CFAP74: variants seen among roughly 807,000 people sequenced by gnomAD.
CFAP74 encodes cilia and flagella associated protein 74.
A neutral mutation model predicts 188.9 loss-of-function variants in CFAP74; 124 were observed. That is an observed-to-expected ratio of 0.66 (90% CI 0.57 to 0.76). CFAP74 has a LOEUF of 0.76. Among genes scored for constraint, CFAP74 ranks in the 30% least tolerant of loss-of-function variants. CFAP74 has a pLI of 0.00. For missense variants in CFAP74, 2,198 were observed against 2,165.2 expected (o/e 1.02, Z -0.30); for synonymous variants, 956 against 916.7 (o/e 1.04, Z -0.77).
At chr1:1,950,631 C>T (rs546989839) in intron 18 of CFAP74, among the ~76,000 whole-genome samples, 16 of 152,154 alleles carry the variant, frequency 1.1e-4, no homozygotes, top group African/African-American at 2.9e-4. Context: ...TGAGCCACCG[C>T]GCCTAGGCTT....
At chr1:1,933,641 G>A (rs1652593945) in intron 25 of CFAP74, among the ~76,000 whole-genome samples, 1 of 152,074 alleles carries the variant, frequency 6.6e-6, no homozygotes, top group Non-Finnish European at 1.5e-5. Context: ...GTTCCCTTTC[G>A]CTCCTGATAT....
At chr1:1,946,501 A>G (rs898385331) in intron 19 of CFAP74, 62 bp from the exon 20 acceptor site, 2 of 1,469,206 alleles carry the variant, frequency 1.4e-6, no homozygotes, top group African/African-American at 1.4e-5. Flanking sequence ...TCCCTTCCCA[A>G]CCCTCACAAT....
At chr1:1,971,211 GCA>G (rs1570946396) in intron 9 of CFAP74, among the ~76,000 whole-genome samples, 2 of 141,382 alleles carry the variant, frequency 1.4e-5, no homozygotes, top group East Asian at 2.2e-4. Flanking sequence ...ATGCACACCT[GCA>G]CACATACGCG....
At chr1:1,994,527 T>C (rs921900610) in intron 1 of CFAP74, among the ~76,000 whole-genome samples, 4 of 152,188 alleles carry the variant, frequency 2.6e-5, no homozygotes, top group African/African-American at 9.7e-5. Context: ...TCTTGTAAAA[T>C]TCCAACAATA....
At position 1,926,635 on chromosome 1, in the gene CFAP74, G is replaced by A. The variant is rs777864654; in HGVS notation, c.3772+17C>T. On this transcript the variant is annotated intron_variant, in intron 30 of 38. Coordinates refer to ENST00000682832, the MANE Select transcript of CFAP74 (RefSeq NM_001304360.2). Reference sequence around the variant, plus strand: ...TGGGCACCGGGGTGGAGGTGTGGGCGGGGCTTAGCGTCTCACCCACAGCGA... The same window carrying A: ...TGGGCACCGGGGTGGAGGTGTGGGCAGGGCTTAGCGTCTCACCCACAGCGA... The A allele has an allele frequency of 1.3e-4, 205 of 1,548,070 alleles. No homozygotes were observed. The highest frequency in any genetic ancestry group is 1.6e-4 in the African/African-American group (12 of 73,088).
At chr1:1,950,632 G>A (rs1034001814) in intron 18 of CFAP74, among the ~76,000 whole-genome samples, 2 of 152,160 alleles carry the variant, frequency 1.3e-5, no homozygotes, top group African/African-American at 2.4e-5. Context: ...GAGCCACCGC[G>A]CCTAGGCTTT....
chr1:1,964,817 G>C lies in CFAP74; in HGVS notation c.1575+71C>G, dbSNP rs978517959. The C allele has an allele frequency of 6.5e-6, 10 of 1,549,478 alleles. No homozygotes were observed. In the African/African-American group the frequency reaches 1.4e-4, roughly 21 times the overall value. On this transcript the variant is annotated intron_variant, in intron 13 of 38. Transcript: ENST00000682832. ...AAAAAAGCAAAAGGTGTCAGGGGTTGGGCTGCGGCAGGGCTCCCCTGCTGT... is the reference window on the plus strand; with the variant it reads ...AAAAAAGCAAAAGGTGTCAGGGGTTCGGCTGCGGCAGGGCTCCCCTGCTGT...
intron 25 of CFAP74, among the ~76,000 whole-genome samples, chr1:1,937,394 G>A (rs570894456): frequency 4.6e-5 from 7 of 152,296 alleles, no homozygotes; most frequent in African/African-American, 1.4e-4. Flanking sequence ...CGCACCTGGC[G>A]TCTTCAATAA....
At chr1:1,929,766 A>C (rs2102034145) in intron 26 of CFAP74, among the ~76,000 whole-genome samples, 1 of 151,718 alleles carries the variant, frequency 6.6e-6, no homozygotes, top group East Asian at 2.0e-4. Flanking sequence ...TCAACCTGGG[A>C]GCCCTGGATG....
rs1387964337 is a variant in CFAP74, at chr1:1,930,083, C to A, written c.3265G>T (p.Val1089Leu). ...ACCTTTCCTGGCCACACGGTCCCCA[C>A]TGAGGGCGAGATGGTGATAGGCGAG... ...PDSPITISPSVGTVWPGKRCL... is the reference protein window; with the variant it reads ...PDSPITISPSLGTVWPGKRCL... The change falls in exon 26 of 39, where the codon GTG becomes TTG. Residue 1089 changes from valine to leucine, a missense_variant. Val to Leu is a conservative substitution (Grantham distance 32, BLOSUM62 1). Coordinates refer to ENST00000682832, the MANE Select transcript of CFAP74 (RefSeq NM_001304360.2). 9.8e-6 allele frequency: 15 copies of A among 1,529,852 alleles called. No homozygotes were observed. Among genetic ancestry groups the A allele is most frequent in the Non-Finnish European group, 1.2e-5 (14 of 1,142,122 alleles). The allele number at this position is 1,529,852 out of a possible 1,614,324, so 94.8% of individuals were successfully genotyped here.
chr1:1,952,654 C>T (rs1047121425), intron 18 of CFAP74, among the ~76,000 whole-genome samples: 7 of 149,858 alleles, frequency 4.7e-5, no homozygotes, highest in African/African-American at 1.8e-4. Context: ...TTATGAATTA[C>T]AAGACTCAAT....
chr1:1,970,021 G>A (rs1438524673), intron 10 of CFAP74, among the ~76,000 whole-genome samples: 1 of 152,256 alleles, frequency 6.6e-6, no homozygotes, highest in African/African-American at 2.4e-5. Context: ...GAGCGGGAGA[G>A]AGGGGCCTTG....
At chr1:2,000,543 G>A (rs111373323) in intron 1 of CFAP74, among the ~76,000 whole-genome samples, 145 of 152,298 alleles carry the variant, frequency 9.5e-4, no homozygotes, top group African/African-American at 2.9e-3. Flanking sequence ...GTTGTCTCAC[G>A]GTTCTGGAAG....
intron 22 of CFAP74, 33 bp downstream of exon 22, chr1:1,941,992 GTCC>G: frequency 6.9e-7 from 1 of 1,448,342 alleles, no homozygotes; most frequent in Middle Eastern, 2.3e-4. Context: ...AACCTCCCAC[GTCC>G]TCCTGTCCCG....
chr1:1,959,897 A>T (rs1457953328), intron 15 of CFAP74, 67 bp downstream of exon 15: 1 of 1,386,406 alleles, frequency 7.2e-7, no homozygotes, highest in Non-Finnish European at 9.8e-7. Context: ...CTGCGCCACC[A>T]TGCCCGATCA....
chr1:1,944,203 C>CTCACCCCGTGTGCGTGGG (rs1653587236), intron 21 of CFAP74, 128 bp downstream of exon 21: 3 of 1,442,202 alleles, frequency 2.1e-6, no homozygotes, highest in Non-Finnish European at 2.7e-6. Context: ...CAGGCAGCGG[C>CTCACCCCGTGTGCGTGGG]TCACCCCGTG....
At chr1:1,963,601 G>A (rs1421638127) in intron 14 of CFAP74, 148 bp downstream of exon 14, 10 of 552,902 alleles carry the variant, frequency 1.8e-5, no homozygotes, top group Admixed American at 3.8e-5. Flanking sequence ...GAAGACAGAG[G>A]AGCCCCCTCT....
At chr1:1,929,939 C>A in intron 26 of CFAP74, 121 bp downstream of exon 26, 1 of 1,164,788 alleles carries the variant, frequency 8.6e-7, no homozygotes, top group Non-Finnish European at 1.2e-6. Flanking sequence ...GGTTCACTCC[C>A]GCCCCTGTTC....
chr1:1,923,719 G>C lies in CFAP74; in HGVS notation c.4389+56C>G. 1 of 1,610,020 alleles carries C rather than the reference G, an allele frequency of 6.2e-7. No homozygotes were observed. The highest frequency in any genetic ancestry group is 8.5e-7 in the Non-Finnish European group (1 of 1,177,578). ...AGTGGAGCAGTGCAGCCAAAGGCAAGGCCCTGCGTGGGGCCAGGGCCGGGC... is the reference window on the plus strand; with the variant it reads ...AGTGGAGCAGTGCAGCCAAAGGCAACGCCCTGCGTGGGGCCAGGGCCGGGC... On this transcript the variant is annotated intron_variant, in intron 35 of 38. Coordinates refer to ENST00000682832, the MANE Select transcript of CFAP74 (RefSeq NM_001304360.2). This position sits in a 1 kb window ranked among gnomAD's most constrained non-coding sequence, Gnocchi z 6.3.
Sources: allele counts gnomAD v4.1 joint callset (sites outside exome capture counted in the v4.1 genomes callset), GRCh38; gene constraint gnomAD v4.1.1; non-coding constraint Gnocchi (gnomAD v3.1); transcripts MANE v1.5; gene names NCBI Gene and HGNC (gene_info 2026-07-23, HGNC 2026-07-21).